LIN7A: variants seen among roughly 807,000 people sequenced by gnomAD.
LIN7A encodes lin-7 cell polarity scaffold A.
In LIN7A, 25 loss-of-function variants were observed where a neutral mutation model predicts 29.8. That is an observed-to-expected ratio of 0.84 (90% CI 0.61 to 1.17). The LOEUF (loss-of-function observed/expected upper bound fraction) is 1.17. LIN7A is among the 50% of genes most tolerant of loss of function. The probability of loss-of-function intolerance (pLI) is 0.00; values close to 1 mark genes in which losing one functional copy is unlikely to be tolerated. For synonymous variants in LIN7A, 118 were observed against 107.5 expected (o/e 1.10, Z -0.60); for missense variants, 239 against 287.0 (o/e 0.83, Z 1.21).
Position 80,937,685 on chromosome 12 carries a change from T to C in LIN7A, c.38A>G (p.Asp13Gly). Residue 13 changes from aspartate to glycine, a missense_variant, in exon 1 of 6, where the codon GAC becomes GGC. Physicochemically the swap from Asp to Gly is moderately conservative, Grantham distance 94. Coordinates refer to ENST00000552864, the MANE Select transcript of LIN7A (RefSeq NM_004664.4). ...KPSVTSAPTADMATLTVVQPL... is the reference protein window; with the variant it reads ...KPSVTSAPTAGMATLTVVQPL... Reference sequence around the variant, plus strand: ...CTGGACCACTGTCAATGTCGCCATGTCTGCCGTGGGAGCCGAAGTGACGCT... The same window carrying C: ...CTGGACCACTGTCAATGTCGCCATGCCTGCCGTGGGAGCCGAAGTGACGCT... 1 of 1,563,574 alleles carries C rather than the reference T, an allele frequency of 6.4e-7. No homozygotes were observed. Among genetic ancestry groups the C allele is most frequent in the Non-Finnish European group, 8.7e-7 (1 of 1,150,994 alleles).
At chr12:80,806,119 C>T (rs907099602) in intron 5 of LIN7A, among the ~76,000 whole-genome samples, 2 of 151,768 alleles carry the variant, frequency 1.3e-5, no homozygotes, top group African/African-American at 4.8e-5. Context: ...CTTTCCCCTC[C>T]AGCCATGATT....
intron 2 of LIN7A, among the ~76,000 whole-genome samples, chr12:80,872,079 AT>A (rs1381618600): frequency 6.6e-6 from 1 of 151,914 alleles, no homozygotes; most frequent in Non-Finnish European, 1.5e-5. Flanking sequence ...GGACACTTCA[AT>A]TTTTTTTCTT....
intron 1 of LIN7A, among the ~76,000 whole-genome samples, chr12:80,927,719 A>T (rs937385507): frequency 3.3e-5 from 5 of 152,122 alleles, no homozygotes; most frequent in African/African-American, 9.6e-5. Context: ...TCATTTTTTT[A>T]AAATTATACT....
intron 2 of LIN7A, among the ~76,000 whole-genome samples, chr12:80,864,168 C>T (rs1439425174): frequency 6.6e-6 from 1 of 151,988 alleles, no homozygotes; most frequent in Non-Finnish European, 1.5e-5. Context: ...GTTATTATTT[C>T]TGTGTTGAAA....
At chr12:80,831,894 A>G (rs1444660370) in intron 4 of LIN7A, among the ~76,000 whole-genome samples, 1 of 152,212 alleles carries the variant, frequency 6.6e-6, no homozygotes, top group Non-Finnish European at 1.5e-5. Flanking sequence ...TCAAAATGTA[A>G]ACAGATCATG....
intron 4 of LIN7A, among the ~76,000 whole-genome samples, chr12:80,811,989 A>C (rs1203292005): frequency 1.3e-5 from 2 of 152,202 alleles, no homozygotes; most frequent in Non-Finnish European, 2.9e-5. Flanking sequence ...TGGAAGAGTA[A>C]ATGCACTAGT....
intron 1 of LIN7A, among the ~76,000 whole-genome samples, chr12:80,928,204 A>G (rs1877710675): frequency 6.6e-6 from 1 of 152,144 alleles, no homozygotes; most frequent in Non-Finnish European, 1.5e-5. Context: ...ATGATTTATA[A>G]TCCTTTGGAT....
rs757628431 is a variant in LIN7A, at chr12:80,915,665, A to G, written c.82+21976T>C. On this transcript the variant is annotated intron_variant, in intron 1 of 5. Transcript: ENST00000552864. ...GGATTGGATAAAGAATATACAGTAC[A>G]TAGACACTATGGAACACTATGCAGC... Among the ~76,000 whole-genome samples, 19 of 152,400 alleles carry G rather than the reference A, an allele frequency of 1.2e-4. No individual in the cohort carries two copies. The South Asian group carries it at 2.3e-3, about 18-fold the overall frequency.
intron 1 of LIN7A, 21 bp downstream of exon 1, chr12:80,937,620 G>C: frequency 6.8e-7 from 1 of 1,461,110 alleles, no homozygotes; most frequent in East Asian, 2.8e-5. Context: ...CGGTGGCCTG[G>C]CGAGCGAGCC....
Position 80,912,717 on chromosome 12 carries a change from AAAAAAAAAAAAAG to A in LIN7A, c.83-23361_83-23349del, listed in dbSNP as rs1450386863. ...GTGACAGACTGAGACTTGTCTCAAA[AAAAAAAAAAAAAG>A]AAAAGAAAAGAAAAAGAAAACACTC... On this transcript the variant is annotated intron_variant, in intron 1 of 5. Coordinates refer to ENST00000552864, the MANE Select transcript of LIN7A (RefSeq NM_004664.4). Among the ~76,000 whole-genome samples the A allele has an allele frequency of 8.5e-5, 3 of 35,364 alleles. No homozygotes were observed. The East Asian group carries it at 2.3e-3, about 28-fold the overall frequency. 23.2% of individuals were successfully genotyped at this position (35,364 alleles called of 152,430 possible).
At chr12:80,850,892 G>T (rs1273624916) in intron 2 of LIN7A, among the ~76,000 whole-genome samples, 1 of 152,100 alleles carries the variant, frequency 6.6e-6, no homozygotes, top group African/African-American at 2.4e-5. Context: ...CAAATGTAAT[G>T]CTAACCATTT....
chr12:80,826,030 G>T (rs1010528663), intron 4 of LIN7A, among the ~76,000 whole-genome samples: 1 of 152,158 alleles, frequency 6.6e-6, no homozygotes, highest in African/African-American at 2.4e-5. Context: ...TGTGTACCAT[G>T]AATAATAAAA....
chr12:80,891,281 A>G (rs1447746864), intron 1 of LIN7A, among the ~76,000 whole-genome samples: 1 of 152,090 alleles, frequency 6.6e-6, no homozygotes, highest in Non-Finnish European at 1.5e-5. Flanking sequence ...GGTAAACCTA[A>G]TTATTATTCT....
rs1031207706 is a variant in LIN7A at position 80,796,141 on chromosome 12, A to G, written c.*1586T>C. 1.3e-5 allele frequency: 2 copies of G among 152,188 alleles called. No individual in the cohort carries two copies. The highest frequency in any genetic ancestry group is 2.4e-5 in the African/African-American group (1 of 41,454). 9.4% of individuals were successfully genotyped at this position (152,188 alleles called of 1,614,324 possible). A position where few individuals can be genotyped will look rare whatever the true frequency, so the allele number is the denominator to read the frequency against. On this transcript the variant is annotated 3_prime_UTR_variant, in exon 6 of 6. Coordinates refer to ENST00000552864, the MANE Select transcript of LIN7A (RefSeq NM_004664.4). ...TGTTTTATTTTCAAGAAGACAGTCT[A>G]AACTGAGCTTCATACATTTCTATTT...
At chr12:80,848,221 A>G (rs762732842) in intron 3 of LIN7A, 30 bp downstream of exon 3, 5 of 1,531,840 alleles carry the variant, frequency 3.3e-6, no homozygotes, top group Admixed American at 3.3e-5. Context: ...ACTGGGGTCA[A>G]GTATATTTTT....
chr12:80,819,125 C>T (rs1349084865), intron 4 of LIN7A, among the ~76,000 whole-genome samples: 1 of 152,182 alleles, frequency 6.6e-6, no homozygotes, highest in East Asian at 1.9e-4. Context: ...ATCACATTCA[C>T]ATAACTTTGA....
chr12:80,823,256 G>T (rs1871898993), intron 4 of LIN7A, among the ~76,000 whole-genome samples: 1 of 152,204 alleles, frequency 6.6e-6, no homozygotes, highest in South Asian at 2.1e-4. Context: ...TCATAACGTT[G>T]TGGGTGATGA....
At chr12:80,937,590 G>C (rs1214235670) in intron 1 of LIN7A, 51 bp downstream of exon 1, 2 of 1,301,310 alleles carry the variant, frequency 1.5e-6, no homozygotes, top group African/African-American at 3.1e-5. Context: ...GGCGGGGAAG[G>C]GAGGAGGGGA....
intron 4 of LIN7A, among the ~76,000 whole-genome samples, chr12:80,838,356 C>G (rs139309816): frequency 1.9e-4 from 29 of 152,256 alleles, no homozygotes; most frequent in Admixed American, 3.3e-4. Context: ...GTTACCTGTG[C>G]TATTGAGATA....
Sources: gnomAD v4.1 joint callset for allele counts (sites outside exome capture counted in the v4.1 genomes callset) on GRCh38, gnomAD v4.1.1 for gene constraint, MANE v1.5 for transcripts, NCBI Gene and HGNC (gene_info 2026-07-23, HGNC 2026-07-21) for gene names.